PALM2AKAP2: variants seen among roughly 807,000 people sequenced by gnomAD.
The protein encoded by PALM2AKAP2 is PALM2-AKAP2 fusion protein.
A neutral mutation model predicts 71.5 loss-of-function variants in PALM2AKAP2; 37 were observed. That is an observed-to-expected ratio of 0.52 (90% CI 0.40 to 0.68). PALM2AKAP2 has a LOEUF of 0.68. Ranked by LOEUF, PALM2AKAP2 falls within the 30% of genes least tolerant of loss-of-function variation. PALM2AKAP2 has a pLI of 0.00. For synonymous variants in PALM2AKAP2, 468 were observed against 478.8 expected (o/e 0.98, Z 0.29); for missense variants, 1,224 against 1,191.8 (o/e 1.03, Z -0.40).
chr9:109,817,608 G>A (rs1357787986), intron 1 of PALM2AKAP2, among the ~76,000 whole-genome samples: 1 of 152,156 alleles, frequency 6.6e-6, no homozygotes, highest in Non-Finnish European at 1.5e-5. Context: ...GTTGAAAAAC[G>A]AAATTCAGAA....
intron 3 of PALM2AKAP2, among the ~76,000 whole-genome samples, chr9:109,915,601 A>C (rs1830668236): frequency 6.6e-6 from 1 of 152,156 alleles, no homozygotes; most frequent in African/African-American, 2.4e-5. Flanking sequence ...CATCTGTGTC[A>C]TGGGAGTTGC....
intron 1 of PALM2AKAP2, among the ~76,000 whole-genome samples, chr9:110,062,993 G>T (rs895429238): frequency 6.6e-6 from 1 of 152,106 alleles, no homozygotes. Flanking sequence ...TTATACAGGC[G>T]CAGTCACCCA....
At chr9:109,673,096 C>T (rs1326104594) in intron 1 of PALM2AKAP2, among the ~76,000 whole-genome samples, 1 of 151,866 alleles carries the variant, frequency 6.6e-6, no homozygotes, top group Non-Finnish European at 1.5e-5. Flanking sequence ...GTGTGTGTGT[C>T]TCAATCTCTT....
intron 1 of PALM2AKAP2, among the ~76,000 whole-genome samples, chr9:109,850,115 C>T (rs1004598872): frequency 1.3e-5 from 2 of 152,094 alleles, no homozygotes; most frequent in South Asian, 2.1e-4. Flanking sequence ...TGAGCAAGAC[C>T]GAATAAGGGA....
At chr9:109,894,024 T>TAAAAAA (rs552808725) in intron 3 of PALM2AKAP2, among the ~76,000 whole-genome samples, 1 of 132,858 alleles carries the variant, frequency 7.5e-6, no homozygotes, top group Non-Finnish European at 1.6e-5. Context: ...GTTGCTTATT[T>TAAAAAA]AAAAAAAAAA....
intron 7 of PALM2AKAP2, among the ~76,000 whole-genome samples, chr9:110,029,505 T>G (rs142024687): frequency 1.3e-5 from 2 of 152,238 alleles, no homozygotes; most frequent in Non-Finnish European, 2.9e-5. Context: ...GTCTGTTTCC[T>G]TCTATGCACA....
chr9:110,136,175 G>A, exon 2 of PALM2AKAP2: 1 of 1,607,570 alleles, frequency 6.2e-7, no homozygotes, highest in Non-Finnish European at 8.5e-7. Flanking sequence ...AAGCGAGGGA[G>A]ACAACTATAG....
At chr9:109,880,405 T>C (rs1829818308) in intron 2 of PALM2AKAP2, 146 bp from the exon 3 acceptor site, 2 of 1,195,364 alleles carry the variant, frequency 1.7e-6, no homozygotes, top group Non-Finnish European at 1.1e-6. Context: ...TAGAGGGAAG[T>C]AGGGAGCCAT....
chr9:109,886,080 A>T (rs991025068), intron 3 of PALM2AKAP2, among the ~76,000 whole-genome samples: 19 of 152,148 alleles, frequency 1.2e-4, no homozygotes, highest in Non-Finnish European at 2.5e-4. Flanking sequence ...GCTAAATAAG[A>T]TTGGAATTGT....
At chr9:110,155,001 G>GTCA (rs1391283127) in intron 2 of PALM2AKAP2, among the ~76,000 whole-genome samples, 44 of 152,238 alleles carry the variant, frequency 2.9e-4, no homozygotes, top group African/African-American at 1.0e-3. Context: ...TCTATAGTCA[G>GTCA]TCACGTAGCC....
At chr9:109,822,265 A>G (rs1055660954) in intron 1 of PALM2AKAP2, among the ~76,000 whole-genome samples, 2 of 113,826 alleles carry the variant, frequency 1.8e-5, no homozygotes, top group African/African-American at 6.8e-5. Context: ...TTCCCCATCC[A>G]TCTATCCATC....
exon 2 of PALM2AKAP2, chr9:110,136,728 G>C: frequency 6.2e-7 from 1 of 1,614,150 alleles, no homozygotes; most frequent in Non-Finnish European, 8.5e-7. Context: ...TGTTCTTCCC[G>C]AGATGGAGAG....
chr9:110,139,449 G>A (rs923372371), intron 2 of PALM2AKAP2, among the ~76,000 whole-genome samples: 1 of 152,204 alleles, frequency 6.6e-6, no homozygotes, highest in Admixed American at 6.5e-5. Flanking sequence ...TCGAGAGTAA[G>A]CATTTGAAAA....
intron 1 of PALM2AKAP2, among the ~76,000 whole-genome samples, chr9:109,756,523 T>C (rs1322623019): frequency 6.6e-6 from 1 of 152,228 alleles, no homozygotes; most frequent in Non-Finnish European, 1.5e-5. Context: ...TGGCCAATTT[T>C]ATCAGTTTGT....
At chr9:110,044,498 C>T (rs1338822563), upstream of PALM2AKAP2, among the ~76,000 whole-genome samples, 2 of 151,146 alleles carry the variant, frequency 1.3e-5, no homozygotes, top group African/African-American at 2.4e-5. Context: ...ATTACAGGCA[C>T]CTGTCACCAC....
intron 2 of PALM2AKAP2, among the ~76,000 whole-genome samples, chr9:110,140,425 T>C (rs1021706078): frequency 2.6e-5 from 4 of 152,158 alleles, no homozygotes; most frequent in Non-Finnish European, 4.4e-5. Flanking sequence ...TGATGGAGAA[T>C]GGTATTTAGA....
intron 1 of PALM2AKAP2, among the ~76,000 whole-genome samples, chr9:109,825,364 G>T (rs913879709): frequency 2.0e-5 from 3 of 152,146 alleles, no homozygotes; most frequent in Non-Finnish European, 2.9e-5. Flanking sequence ...TTGACAAATG[G>T]GATCTAATTA....
At chr9:110,115,342 T>A (rs1378640518) in intron 1 of PALM2AKAP2, among the ~76,000 whole-genome samples, 1 of 152,216 alleles carries the variant, frequency 6.6e-6, no homozygotes, top group Non-Finnish European at 1.5e-5. Context: ...AATATCTTTT[T>A]CTTTAAACCA....
chr9:109,835,217 A>AG lies in PALM2AKAP2; in HGVS notation c.46-32271dup, dbSNP rs533563651. 1.3e-3 allele frequency among the ~76,000 whole-genome samples: 176 copies of AG among 135,074 alleles called. 1 individual carries two copies. The highest frequency in any genetic ancestry group is 4.6e-3 in the African/African-American group (169 of 36,720). The allele number at this position is 135,074 out of a possible 152,430, so 88.6% of individuals were successfully genotyped here. Reference sequence around the variant, plus strand: ...GGTGTAGGGAAAGAGGGGAGGGTGTAGGGAAAGAGGAGAGGGTTTAGGGAA... The same window carrying AG: ...GGTGTAGGGAAAGAGGGGAGGGTGTAGGGGAAAGAGGAGAGGGTTTAGGGAA... On this transcript the variant is annotated intron_variant, in intron 1 of 9. Transcript: ENST00000302798.
Sources: allele counts gnomAD v4.1 joint callset (sites outside exome capture counted in the v4.1 genomes callset), GRCh38; gene constraint gnomAD v4.1.1; transcripts MANE v1.5; gene names NCBI Gene and HGNC (gene_info 2026-07-23, HGNC 2026-07-21).